Variants in UBLCP1 observed in about 807,000 individuals in gnomAD.
The protein encoded by UBLCP1 is ubiquitin-like domain-containing CTD phosphatase 1.
Under a neutral mutation model 42.4 loss-of-function variants are expected in UBLCP1, and 28 were observed. The ratio of observed to expected loss-of-function variants is 0.66; its 90% CI spans 0.49 to 0.90. UBLCP1 has a LOEUF of 0.90. UBLCP1 is among the 40% of genes least tolerant of loss of function. The pLI, the probability that UBLCP1 is intolerant of heterozygous loss-of-function variation, is 0.00. For synonymous variants in UBLCP1, 122 were observed against 120.8 expected, an observed-to-expected ratio of 1.01 and a Z score of -0.07; for missense variants, 279 against 374.5, an observed-to-expected ratio of 0.75 and a Z score of 2.10.
intron 7 of UBLCP1, among the ~76,000 whole-genome samples, 186 bp downstream of exon 7, chr5:159,274,808 T>C (rs1182782014): frequency 6.6e-6 from 1 of 152,184 alleles, no homozygotes; most frequent in Non-Finnish European, 1.5e-5. Context: ...TCCCTAAGTC[T>C]TTTTTAAGAA....
chr5:159,263,736 C>G (rs1342699594), intron 1 of UBLCP1, among the ~76,000 whole-genome samples: 2 of 152,218 alleles, frequency 1.3e-5, no homozygotes, highest in African/African-American at 2.4e-5. Context: ...GCACAGCCCC[C>G]GACCCTGCAC....
At position 159,283,348 on chromosome 5, in the gene UBLCP1, T is replaced by C. The variant is rs776884461; in HGVS notation, c.929+9T>C. On this transcript the variant is annotated intron_variant, in intron 10 of 10. Coordinates refer to ENST00000296786, the MANE Select transcript of UBLCP1 (RefSeq NM_145049.5). ...CACAAATATTGGGAAAGGTAAGTTTTAATTGCTTATTTATTTTCTCTTTAC... is the reference window on the plus strand; with the variant it reads ...CACAAATATTGGGAAAGGTAAGTTTCAATTGCTTATTTATTTTCTCTTTAC... 4 of 1,566,400 alleles carry C rather than the reference T, an allele frequency of 2.6e-6. No individual in the cohort carries two copies. The South Asian group carries it at 4.8e-5, about 19-fold the overall frequency.
intron 2 of UBLCP1, among the ~76,000 whole-genome samples, chr5:159,269,679 A>G (rs1753439478): frequency 6.6e-6 from 1 of 152,196 alleles, no homozygotes; most frequent in Non-Finnish European, 1.5e-5. Context: ...AAAGGTGTTC[A>G]TCTAACATAG....
intron 7 of UBLCP1, 53 bp from the exon 8 acceptor site, chr5:159,275,095 C>A: frequency 6.6e-7 from 1 of 1,512,146 alleles, no homozygotes; most frequent in Non-Finnish European, 9.1e-7. Flanking sequence ...TTCAGAAAAT[C>A]TGAAATTTTC....
In UBLCP1 at chr5:159,270,559, G is replaced by A; in HGVS notation, c.364G>A (p.Val122Met). Residue 122 changes from valine to methionine, a missense_variant, in exon 5 of 11, where the codon GTG becomes ATG. By Grantham distance (21) the Val-to-Met change is conservative (BLOSUM62 1). Transcript: ENST00000296786. The part of the protein sequence containing the change: ...EENLLKISRR[V>M]KEYKVEILNP... ...AAACCTACTGAAAATTTCTCGCAGA[G>A]TGAAAGAGTACAAAGTGGAAATTTT... is the stretch of plus-strand genomic sequence containing the variant. 1 of 1,611,348 alleles carries A rather than the reference G, an allele frequency of 6.2e-7. No individual in the cohort carries two copies. Among genetic ancestry groups the A allele is most frequent in the African/African-American group, 1.3e-5 (1 of 74,852 alleles).
intron 9 of UBLCP1, 42 bp from the exon 10 acceptor site, chr5:159,283,170 T>C: frequency 6.4e-7 from 1 of 1,567,310 alleles, no homozygotes; most frequent in Non-Finnish European, 8.6e-7. Context: ...TAGTTTTCCT[T>C]ATCACATTGT....
intron 1 of UBLCP1, among the ~76,000 whole-genome samples, chr5:159,266,420 G>T (rs553991975): frequency 3.9e-5 from 6 of 152,350 alleles, no homozygotes; most frequent in African/African-American, 1.4e-4. Context: ...CTCAAGAGGT[G>T]ATTTGGGTAC....
At chr5:159,278,203 T>C in intron 8 of UBLCP1, 35 bp from the exon 9 acceptor site, 1 of 1,433,704 alleles carries the variant, frequency 7.0e-7, no homozygotes, top group South Asian at 1.1e-5. Flanking sequence ...GAAATATTGA[T>C]AAAATTTGAG....
intron 5 of UBLCP1, 71 bp from the exon 6 acceptor site, chr5:159,271,952 A>G: frequency 9.7e-7 from 1 of 1,035,572 alleles, no homozygotes; most frequent in Non-Finnish European, 1.5e-6. Flanking sequence ...TATTACATTT[A>G]ATAATAATTG....
intron 1 of UBLCP1, among the ~76,000 whole-genome samples, chr5:159,264,259 T>C (rs1010551868): frequency 6.6e-6 from 1 of 152,198 alleles, no homozygotes; most frequent in African/African-American, 2.4e-5. Context: ...ATTCTTTGCT[T>C]GCTTGTTTGG....
intron 5 of UBLCP1, among the ~76,000 whole-genome samples, 190 bp downstream of exon 5, chr5:159,270,833 A>G (rs1308973822): frequency 2.7e-5 from 4 of 150,896 alleles, no homozygotes; most frequent in Non-Finnish European, 5.9e-5. Context: ...TGTAATCCTG[A>G]TACCCAAAGA....
chr5:159,279,390 T>C (rs1486815771), intron 9 of UBLCP1, among the ~76,000 whole-genome samples: 1 of 152,208 alleles, frequency 6.6e-6, no homozygotes, highest in Non-Finnish European at 1.5e-5. Flanking sequence ...GATTACATGT[T>C]GGCGCAATAT....
chr5:159,270,785 A>T, intron 5 of UBLCP1, 142 bp downstream of exon 5: 1 of 524,414 alleles, frequency 1.9e-6, no homozygotes, highest in East Asian at 3.3e-5. Flanking sequence ...TAAATTGCTC[A>T]TTGTAAAAAA....
intron 1 of UBLCP1, among the ~76,000 whole-genome samples, chr5:159,264,477 T>C (rs770486494): frequency 3.3e-5 from 5 of 152,260 alleles, no homozygotes; most frequent in East Asian, 3.8e-4. Context: ...TAAAGACATA[T>C]GCATTTACAA....
At chr5:159,280,213 A>G (rs1046250664) in intron 9 of UBLCP1, among the ~76,000 whole-genome samples, 2 of 152,208 alleles carry the variant, frequency 1.3e-5, no homozygotes, top group Non-Finnish European at 2.9e-5. Flanking sequence ...TATAAAATTA[A>G]TCTACCCAAG....
chr5:159,271,201 T>TA (rs1396713466), intron 5 of UBLCP1, among the ~76,000 whole-genome samples: 2 of 152,222 alleles, frequency 1.3e-5, no homozygotes, highest in Admixed American at 1.3e-4. Flanking sequence ...GTGGCTCACA[T>TA]ATGTATCCTG....
intron 6 of UBLCP1, 91 bp from the exon 7 acceptor site, chr5:159,274,494 T>C: frequency 9.3e-7 from 1 of 1,080,096 alleles, no homozygotes; most frequent in Non-Finnish European, 1.4e-6. Context: ...TTTAAACTTT[T>C]AGTTTTGCTT....
chr5:159,266,889 G>C (rs977810255), intron 1 of UBLCP1, among the ~76,000 whole-genome samples: 1 of 152,194 alleles, frequency 6.6e-6, no homozygotes, highest in Admixed American at 6.5e-5. Context: ...TTGGGAACCT[G>C]TGCCTAGATT....
At chr5:159,279,755 A>G (rs1753585024) in intron 9 of UBLCP1, among the ~76,000 whole-genome samples, 1 of 152,214 alleles carries the variant, frequency 6.6e-6, no homozygotes, top group Non-Finnish European at 1.5e-5. Context: ...CTTAATATGT[A>G]CTGCACCAGG....
Sources: gnomAD v4.1 joint callset for allele counts (sites outside exome capture counted in the v4.1 genomes callset) on GRCh38, gnomAD v4.1.1 for gene constraint, MANE v1.5 for transcripts, NCBI Gene and HGNC (gene_info 2026-07-23, HGNC 2026-07-21) for gene names.